Variants in SUSD1 observed in about 807,000 individuals in gnomAD.
The protein encoded by SUSD1 is sushi domain-containing protein 1.
In SUSD1, 65 loss-of-function variants were observed where a neutral mutation model predicts 86.9. The ratio of observed to expected loss-of-function variants is 0.75; its 90% CI spans 0.61 to 0.92. The LOEUF is 0.92. Among genes scored for constraint, SUSD1 ranks in the 40% least tolerant of loss-of-function variants. The probability of loss-of-function intolerance (pLI) is 0.00; values close to 1 mark genes in which losing one functional copy is unlikely to be tolerated. For synonymous variants in SUSD1, 346 were observed against 350.0 expected, an observed-to-expected ratio of 0.99 and a Z score of 0.13; for missense variants, 850 against 929.7, an observed-to-expected ratio of 0.91 and a Z score of 1.11.
intron 6 of SUSD1, among the ~76,000 whole-genome samples, chr9:112,124,056 T>C (rs16916694): frequency 0.014 from 2,117 of 152,008 alleles, 43 homozygotes; most frequent in African/African-American, 0.049. Context: ...TGCATAACAT[T>C]TTCTATCCAA....
chr9:112,061,160 C>T (rs1828707172), intron 13 of SUSD1, among the ~76,000 whole-genome samples: 1 of 152,184 alleles, frequency 6.6e-6, no homozygotes, highest in Non-Finnish European at 1.5e-5. Flanking sequence ...CAGGCTCCAT[C>T]CTCTGCCTAA....
rs765406042 is a variant in SUSD1, at chr9:112,078,618, G to A, written c.1673C>T (p.Pro558Leu). 29 of 1,613,928 alleles carry A rather than the reference G, an allele frequency of 1.8e-5. No homozygotes were observed. Among genetic ancestry groups the A allele is most frequent in the South Asian group, 1.6e-4 (15 of 91,082 alleles). The change falls in exon 12 of 17, where the codon CCG becomes CTG. Residue 558 changes from proline (P) to leucine (L), a missense_variant. Pro to Leu is a moderately conservative substitution (Grantham distance 98, BLOSUM62 -3). Coordinates refer to ENST00000374270, the MANE Select transcript of SUSD1 (RefSeq NM_022486.5). ...GAGACTGACATTGTAGTTGGTACCC[G>A]GACGTAGGTCCAAGCACACCTCGGG... ...RDPEVCLDLR[P>L]GTNYNVSLRA...
intron 10 of SUSD1, among the ~76,000 whole-genome samples, chr9:112,093,763 C>T (rs745394872): frequency 1.3e-5 from 2 of 152,114 alleles, no homozygotes; most frequent in Admixed American, 6.5e-5. Context: ...GCTGCCACAG[C>T]GGAGCAAGGC....
intron 1 of SUSD1, among the ~76,000 whole-genome samples, chr9:112,170,901 T>C (rs539808062): frequency 4.2e-4 from 64 of 152,066 alleles, no homozygotes; most frequent in Admixed American, 7.2e-4. Context: ...TTAGTAGAGA[T>C]GGGGTTTCAC....
chr9:112,050,427 C>T (rs936950094), intron 15 of SUSD1, among the ~76,000 whole-genome samples: 46 of 152,120 alleles, frequency 3.0e-4, no homozygotes, highest in African/African-American at 1.1e-3. Flanking sequence ...GAGAAGCAGA[C>T]AAATGGAGGA....
At chr9:112,077,181 T>G (rs1829554390) in intron 12 of SUSD1, among the ~76,000 whole-genome samples, 1 of 151,742 alleles carries the variant, frequency 6.6e-6, no homozygotes, top group East Asian at 1.9e-4. Context: ...TGAGGGGAAG[T>G]GCTGATCAGG....
intron 10 of SUSD1, 55 bp from the exon 11 acceptor site, chr9:112,080,220 C>T: frequency 7.6e-7 from 1 of 1,308,722 alleles, no homozygotes; most frequent in South Asian, 1.2e-5. Context: ...AAAATGCTAC[C>T]TTTTAATTGA....
rs1187506874 is a variant in SUSD1, at chr9:112,079,973, GATA to G, written c.1566+98_1566+100del. ...CAATTGTCACAGTAAATCGTCTACTGATAATGATAGTTATAGATGTAGATTTTT... is the reference window on the plus strand; with the variant it reads ...CAATTGTCACAGTAAATCGTCTACTGATGATAGTTATAGATGTAGATTTTT... On this transcript the variant is annotated intron_variant, in intron 11 of 16. Coordinates refer to ENST00000374270, the MANE Select transcript of SUSD1 (RefSeq NM_022486.5). The G allele has an allele frequency of 6.0e-5, 48 of 795,378 alleles. No homozygotes were observed. In the Admixed American group the frequency reaches 9.2e-4, roughly 15 times the overall value. 49.3% of individuals were successfully genotyped at this position (795,378 alleles called of 1,614,324 possible).
chr9:112,048,008 G>A (rs1420398950), intron 15 of SUSD1, among the ~76,000 whole-genome samples: 1 of 152,116 alleles, frequency 6.6e-6, no homozygotes, highest in African/African-American at 2.4e-5. Flanking sequence ...TTTCTTACTG[G>A]CTGCAGCCAG....
chr9:112,144,515 G>A (rs547740119), intron 3 of SUSD1, among the ~76,000 whole-genome samples: 4 of 152,136 alleles, frequency 2.6e-5, no homozygotes, highest in Admixed American at 6.5e-5. Flanking sequence ...GGCCTGGCAC[G>A]GTGGCTCATG....
At chr9:112,050,636 T>C (rs115886812) in intron 15 of SUSD1, among the ~76,000 whole-genome samples, 3,171 of 152,292 alleles carry the variant, frequency 0.021, 116 homozygotes, top group African/African-American at 0.073. Flanking sequence ...AAACTGATAC[T>C]GTGGGCTAAG....
chr9:112,050,788 C>G (rs964414119), intron 15 of SUSD1, among the ~76,000 whole-genome samples: 15 of 152,160 alleles, frequency 9.9e-5, no homozygotes, highest in African/African-American at 2.9e-4. Flanking sequence ...GGCTGGCTGC[C>G]TGTTGGTTTT....
chr9:112,163,273 A>T (rs1008272441), intron 1 of SUSD1, among the ~76,000 whole-genome samples: 1 of 152,000 alleles, frequency 6.6e-6, no homozygotes, highest in Non-Finnish European at 1.5e-5. Flanking sequence ...CTCCTTCCTC[A>T]GCCTCCAGAG....
intron 15 of SUSD1, among the ~76,000 whole-genome samples, chr9:112,042,558 C>T (rs184461668): frequency 3.9e-5 from 6 of 152,218 alleles, no homozygotes; most frequent in African/African-American, 7.2e-5. Flanking sequence ...GGGAGATCCC[C>T]GATTATAAAC....
chr9:112,111,448 A>G (rs1299760695), intron 8 of SUSD1, among the ~76,000 whole-genome samples: 1 of 152,142 alleles, frequency 6.6e-6, no homozygotes, highest in African/African-American at 2.4e-5. Flanking sequence ...CAGCTGAGAA[A>G]AAATACCCCA....
At chr9:112,069,019 C>A (rs1829124975) in intron 12 of SUSD1, among the ~76,000 whole-genome samples, 1 of 152,060 alleles carries the variant, frequency 6.6e-6, no homozygotes, top group South Asian at 2.1e-4. Flanking sequence ...CTCCAGCAGG[C>A]AGTTAGAAAC....
chr9:112,054,572 C>G (rs10981236), intron 14 of SUSD1, among the ~76,000 whole-genome samples: 16,248 of 151,158 alleles, frequency 0.11, 2,876 homozygotes, highest in African/African-American at 0.37. Flanking sequence ...GGGTGACAAA[C>G]TGAAACACTG....
chr9:112,163,793 G>A (rs546331798), intron 1 of SUSD1, among the ~76,000 whole-genome samples: 20 of 151,980 alleles, frequency 1.3e-4, no homozygotes, highest in Non-Finnish European at 2.6e-4. Flanking sequence ...GAGGCCAGGA[G>A]TTTGAGACCA....
At chr9:112,082,066 A>G (rs1041677048) in intron 10 of SUSD1, among the ~76,000 whole-genome samples, 3 of 152,210 alleles carry the variant, frequency 2.0e-5, no homozygotes, top group Non-Finnish European at 4.4e-5. Flanking sequence ...CTGGTCTTGT[A>G]GCTATTACTG....
Sources: gnomAD v4.1 joint callset for allele counts (sites outside exome capture counted in the v4.1 genomes callset) on GRCh38, gnomAD v4.1.1 for gene constraint, MANE v1.5 for transcripts, NCBI Gene and HGNC (gene_info 2026-07-23, HGNC 2026-07-21) for gene names.